MMP28: variants seen among roughly 807,000 people sequenced by gnomAD.
MMP28 encodes the protein matrix metallopeptidase 28, also known as matrix metalloproteinase-28.
MMP28 carries 55 observed loss-of-function variants against 60.5 expected under a neutral mutation model. The observed-to-expected ratio is 0.91, with a 90% confidence interval of 0.73 to 1.14. MMP28 has a LOEUF of 1.14. Ranked by LOEUF, MMP28 falls within the 50% of genes most tolerant of loss-of-function variation. The pLI, the probability that MMP28 is intolerant of heterozygous loss-of-function variation, is 0.00. For synonymous variants in MMP28, 318 were observed against 312.5 expected, an observed-to-expected ratio of 1.02 and a Z score of -0.18; for missense variants, 686 against 738.3, an observed-to-expected ratio of 0.93 and a Z score of 0.82.
chr17:35,787,899 C>CTTTTTTTTTT (rs532350874), intron 1 of MMP28, among the ~76,000 whole-genome samples: 2 of 104,412 alleles, frequency 1.9e-5, no homozygotes, highest in Non-Finnish European at 3.7e-5. Flanking sequence ...TTTTCTTTCC[C>CTTTTTTTTTT]TTTTTTTTTT....
chr17:35,785,418 TCA>T (rs1050647996), intron 1 of MMP28, among the ~76,000 whole-genome samples: 2 of 152,110 alleles, frequency 1.3e-5, no homozygotes, highest in African/African-American at 4.8e-5. Context: ...TCTCTGAGCT[TCA>T]GTTTCCTCTT....
At chr17:35,763,982 G>A, downstream of MMP28, 2 of 1,522,022 alleles carry the variant, frequency 1.3e-6, no homozygotes, top group Non-Finnish European at 1.8e-6. Context: ...CAGCAGGACT[G>A]CCCTGACCTC....
intron 1 of MMP28, among the ~76,000 whole-genome samples, chr17:35,780,527 G>A (rs1202301741): frequency 6.6e-6 from 1 of 151,980 alleles, no homozygotes; most frequent in African/African-American, 2.4e-5. Context: ...ACCCTGCTAG[G>A]TACAATAAAA....
chr17:35,773,444 G>C (rs562324714), intron 3 of MMP28, 40 bp from the exon 4 acceptor site: 1 of 1,528,554 alleles, frequency 6.5e-7, no homozygotes, highest in Non-Finnish European at 8.9e-7. Context: ...ACCTGCTGCA[G>C]AGCCCGAGTC....
Position 35,795,344 on chromosome 17 carries a change from G to A in MMP28, c.34C>T (p.Leu12=). 6.8e-7 allele frequency: 1 copy of A among 1,462,796 alleles called. No homozygotes were observed. Among genetic ancestry groups the A allele is most frequent in the Non-Finnish European group, 9.0e-7 (1 of 1,109,020 alleles). 90.6% of individuals were successfully genotyped at this position (1,462,796 alleles called of 1,614,324 possible). The stretch of plus-strand genomic sequence containing the variant: ...AGGTGGCCCCACAGTAGCAGCTGCA[G>A]GGCGCGCAGCAGGAGGCCGACGCGC... ...VARVGLLLRA[L]QLLLWGHLDA... Residue 12 remains leucine, a synonymous_variant, in exon 1 of 8, where the codon CTG becomes TTG. Transcript: ENST00000605424.
rs1555607613 is a variant in MMP28 at position 35,776,249 on chromosome 17, G to T, written c.379+2639C>A. Among the ~76,000 whole-genome samples, 3 of 151,582 alleles carry T rather than the reference G, an allele frequency of 2.0e-5. No homozygotes were observed. The East Asian group carries it at 5.9e-4, about 30-fold the overall frequency. The stretch of plus-strand genomic sequence containing the variant: ...TGCAGTGGCGCGATTTTGGCTCACT[G>T]CAACCTCTACCTCCCGGGTTCAAGG... On this transcript the variant is annotated intron_variant, in intron 3 of 7. Transcript: ENST00000605424.
rs773894980 is a variant in MMP28 at position 35,773,265 on chromosome 17, G to A, written c.519C>T (p.Ala173=). ...GGATGTCAGCGGGGCCTGTGGCTGGGGCCTCCCAGAACTCCAGCGCTGAGA... is the reference window on the plus strand; with the variant it reads ...GGATGTCAGCGGGGCCTGTGGCTGGAGCCTCCCAGAACTCCAGCGCTGAGA... The part of the protein sequence containing the change: ...SNVSALEFWE[A]PATGPADIRL... The change falls in exon 4 of 8, where the codon GCC becomes GCT. Residue 173 remains alanine, a synonymous_variant. Transcript: ENST00000605424. 93 of 1,613,896 alleles carry A rather than the reference G, an allele frequency of 5.8e-5. No individual in the cohort carries two copies. The highest frequency in any genetic ancestry group is 7.5e-5 in the Non-Finnish European group (88 of 1,179,892).
intron 1 of MMP28, among the ~76,000 whole-genome samples, chr17:35,789,425 T>C (rs2086745725): frequency 6.6e-6 from 1 of 152,206 alleles, no homozygotes; most frequent in African/African-American, 2.4e-5. Flanking sequence ...ATTTCTTTCT[T>C]TCCTGTGCCG....
intron 4 of MMP28, among the ~76,000 whole-genome samples, chr17:35,771,696 A>T (rs1240420898): frequency 4.0e-5 from 2 of 50,602 alleles, no homozygotes; most frequent in African/African-American, 1.7e-4. Context: ...TATAGAAGTG[A>T]ATATATATAT....
intron 2 of MMP28, among the ~76,000 whole-genome samples, chr17:35,758,775 T>G (rs188259325): frequency 6.6e-6 from 1 of 152,330 alleles, no homozygotes; most frequent in East Asian, 1.9e-4. Flanking sequence ...TTTGACAATC[T>G]GACTTTTTAG....
chr17:35,760,291 G>A (rs2085794071), intron 2 of MMP28, among the ~76,000 whole-genome samples: 1 of 152,162 alleles, frequency 6.6e-6, no homozygotes, highest in African/African-American at 2.4e-5. Context: ...GGATTTTCCT[G>A]AAGCTCCTTG....
chr17:35,764,093 G>A (rs199800640), downstream of MMP28: 733 of 1,550,108 alleles, frequency 4.7e-4, 1 homozygote, highest in Non-Finnish European at 3.4e-4. Context: ...GGGGTCGGAG[G>A]ACGAGGACGA....
In MMP28 at chr17:35,766,095, G is replaced by A. The variant is rs1343473666; in HGVS notation, c.*405C>T. 7 of 999,560 alleles carry A rather than the reference G, an allele frequency of 7.0e-6. No homozygotes were observed. In the Admixed American group the frequency reaches 4.0e-4, roughly 57 times the overall value. The allele number at this position is 999,560 out of a possible 1,614,324, so 61.9% of individuals were successfully genotyped here. A position where few individuals can be genotyped will look rare whatever the true frequency, so the allele number is the denominator to read the frequency against. On this transcript the variant is annotated 3_prime_UTR_variant, in exon 8 of 8. Transcript: ENST00000605424. This position sits in a 1 kb window ranked among gnomAD's most constrained non-coding sequence, Gnocchi z 4.3. ...CAAGAACTGAGCCAGGGGGTCCTGA[G>A]GAGAAGGGCACAGTCTTGCAAAATG... is the stretch of plus-strand genomic sequence containing the variant.
At chr17:35,772,274 T>G (rs1939341991) in intron 4 of MMP28, among the ~76,000 whole-genome samples, 1 of 152,220 alleles carries the variant, frequency 6.6e-6, no homozygotes, top group African/African-American at 2.4e-5. Context: ...TGCTTGGGGA[T>G]CCTGATGTCC....
At chr17:35,776,234 C>T (rs971937243) in intron 3 of MMP28, among the ~76,000 whole-genome samples, 3 of 151,566 alleles carry the variant, frequency 2.0e-5, no homozygotes, top group East Asian at 2.0e-4. Flanking sequence ...TGCAGTGGCG[C>T]GATTTTGGCT....
intron 5 of MMP28, 93 bp from the exon 6 acceptor site, chr17:35,768,472 T>C: frequency 9.5e-7 from 1 of 1,052,210 alleles, no homozygotes. Flanking sequence ...ACTTTCATGA[T>C]TATCTAATAT....
intron 3 of MMP28, 81 bp from the exon 4 acceptor site, chr17:35,773,485 G>A: frequency 4.0e-6 from 5 of 1,257,420 alleles, no homozygotes; most frequent in Non-Finnish European, 5.5e-6. Context: ...GGATGGCGAG[G>A]GGTAGGCCCT....
intron 7 of MMP28, among the ~76,000 whole-genome samples, chr17:35,767,322 G>A (rs1320171857): frequency 6.6e-6 from 1 of 152,110 alleles, no homozygotes; most frequent in Non-Finnish European, 1.5e-5. Context: ...CATGTATCTA[G>A]TAAGATATTG....
intron 1 of MMP28, among the ~76,000 whole-genome samples, chr17:35,793,605 G>A (rs1405125614): frequency 6.6e-6 from 1 of 152,176 alleles, no homozygotes; most frequent in Non-Finnish European, 1.5e-5. Flanking sequence ...GTAGTGATGG[G>A]AGCTGGGTGA....
Sources: gnomAD v4.1 joint callset for allele counts (sites outside exome capture counted in the v4.1 genomes callset) on GRCh38, gnomAD v4.1.1 for gene constraint, Gnocchi (gnomAD v3.1) non-coding constraint, MANE v1.5 for transcripts, NCBI Gene and HGNC (gene_info 2026-07-23, HGNC 2026-07-21) for gene names.